STARD13: variants seen among roughly 807,000 people sequenced by gnomAD.
The protein encoded by STARD13 is StAR related lipid transfer domain containing 13.
In STARD13, 62 loss-of-function variants were observed where a neutral mutation model predicts 106.4. The observed-to-expected ratio is 0.58, with a 90% confidence interval of 0.48 to 0.72. The LOEUF is 0.72. STARD13 is among the 30% of genes least tolerant of loss of function. STARD13 has a pLI of 0.00. For missense variants in STARD13, 1,387 were observed against 1,424.0 expected, an observed-to-expected ratio of 0.97 and a Z score of 0.42; for synonymous variants, 565 against 553.0, an observed-to-expected ratio of 1.02 and a Z score of -0.31.
chr13:33,529,196 G>A, the STARD13 span, among the ~76,000 whole-genome samples: 34 of 152,252 alleles, frequency 2.2e-4, no homozygotes, highest in African/African-American at 7.0e-4. Context: ...ACGAAAGTTA[G>A]TGCCCTGTTG....
At chr13:33,631,106 T>C in the STARD13 span, among the ~76,000 whole-genome samples, 1 of 152,340 alleles carries the variant, frequency 6.6e-6, no homozygotes, top group Middle Eastern at 3.4e-3. Flanking sequence ...TGTCCAGCCC[T>C]GGAAAGTGTT....
the STARD13 span, among the ~76,000 whole-genome samples, chr13:33,425,793 G>A: frequency 1.3e-5 from 2 of 152,168 alleles, no homozygotes; most frequent in Admixed American, 6.5e-5. Flanking sequence ...GGAAGACTGC[G>A]AAGTTTGCTC....
intron 1 of STARD13, among the ~76,000 whole-genome samples, chr13:33,219,044 T>G (rs1888197298): frequency 6.6e-6 from 1 of 152,192 alleles, no homozygotes; most frequent in Non-Finnish European, 1.5e-5. Context: ...TTTAAAAATA[T>G]AACAATCGTG....
chr13:33,529,839 ATC>A, the STARD13 span, among the ~76,000 whole-genome samples: 1 of 152,174 alleles, frequency 6.6e-6, no homozygotes, highest in Non-Finnish European at 1.5e-5. Context: ...TGAGGATTTT[ATC>A]TGAGTCCATC....
chr13:33,432,512 C>T, the STARD13 span, among the ~76,000 whole-genome samples: 1 of 152,230 alleles, frequency 6.6e-6, no homozygotes, highest in Non-Finnish European at 1.5e-5. Context: ...TCATTTAAAT[C>T]TACCAATATT....
chr13:33,285,756 A>G (rs976769918), upstream of STARD13: 1 of 1,487,720 alleles, frequency 6.7e-7, no homozygotes, highest in African/African-American at 1.4e-5. Context: ...AGCGATTTTT[A>G]AAAAGAAAGA....
chr13:33,464,024 C>CATATATATATATATAT, the STARD13 span, among the ~76,000 whole-genome samples: 2,647 of 110,012 alleles, frequency 0.024, 50 homozygotes, highest in Non-Finnish European at 0.038. Flanking sequence ...AAAAAAAATA[C>CATATATATATATATAT]ATATATATAT....
At chr13:33,137,026 C>T (rs1879151702) in intron 4 of STARD13, among the ~76,000 whole-genome samples, 1 of 152,220 alleles carries the variant, frequency 6.6e-6, no homozygotes, top group Admixed American at 6.5e-5. Flanking sequence ...AAAAATCCTG[C>T]ATCATTATTT....
At chr13:33,272,403 T>C (rs1229790309) in intron 1 of STARD13, 11 of 152,220 alleles carry the variant, frequency 7.2e-5, no homozygotes, top group African/African-American at 2.7e-4. Context: ...CCTGCATAAG[T>C]ATATTGTTAC....
the STARD13 span, among the ~76,000 whole-genome samples, chr13:33,499,746 T>G: frequency 7.0e-6 from 1 of 141,966 alleles, no homozygotes; most frequent in Non-Finnish European, 1.5e-5. Context: ...CCTCTCCCTC[T>G]TCTTCTTCTT....
At chr13:33,619,715 T>A in the STARD13 span, among the ~76,000 whole-genome samples, 1 of 152,142 alleles carries the variant, frequency 6.6e-6, no homozygotes, top group Non-Finnish European at 1.5e-5. Flanking sequence ...AATGTAAAAC[T>A]AATCAATAAG....
chr13:33,665,514 A>G, the STARD13 span, among the ~76,000 whole-genome samples: 1,317 of 152,344 alleles, frequency 8.6e-3, 25 homozygotes, highest in African/African-American at 0.03. Flanking sequence ...CAGTTAAATG[A>G]CAGCAATATT....
intron 1 of STARD13, among the ~76,000 whole-genome samples, chr13:33,293,807 C>G (rs1892382043): frequency 6.6e-6 from 1 of 152,204 alleles, no homozygotes; most frequent in South Asian, 2.1e-4. Context: ...TGGATGTTTC[C>G]TGCCCTCAAA....
the STARD13 span, among the ~76,000 whole-genome samples, chr13:33,405,513 G>C: frequency 1.3e-5 from 2 of 152,344 alleles, no homozygotes; most frequent in South Asian, 4.1e-4. Flanking sequence ...TCTGAGAATC[G>C]TTGAAGTCTG....
the STARD13 span, among the ~76,000 whole-genome samples, chr13:33,501,623 A>T: frequency 6.6e-6 from 1 of 152,170 alleles, no homozygotes; most frequent in Non-Finnish European, 1.5e-5. Context: ...CTTTCCCAGC[A>T]TCATTTATTA....
At chr13:33,153,614 A>G (rs1238380424) in intron 3 of STARD13, among the ~76,000 whole-genome samples, 1 of 152,222 alleles carries the variant, frequency 6.6e-6, no homozygotes. Context: ...CTCTGCCTAC[A>G]GATGTATAGG....
At chr13:33,651,749 T>C in the STARD13 span, among the ~76,000 whole-genome samples, 1 of 152,182 alleles carries the variant, frequency 6.6e-6, no homozygotes, top group Non-Finnish European at 1.5e-5. Context: ...CTGTGCCTAA[T>C]AGAGTATGTT....
chr13:33,534,860 A>T, the STARD13 span, among the ~76,000 whole-genome samples: 2 of 152,238 alleles, frequency 1.3e-5, no homozygotes, highest in African/African-American at 2.4e-5. Context: ...GGGAAAGCAG[A>T]ACAAATTAAA....
the STARD13 span, among the ~76,000 whole-genome samples, chr13:33,471,421 T>C: frequency 6.6e-6 from 1 of 152,210 alleles, no homozygotes. Flanking sequence ...AATCCTCAGC[T>C]TCTAAACCCA....
Sources: gnomAD v4.1 joint callset for allele counts (sites outside exome capture counted in the v4.1 genomes callset) on GRCh38, gnomAD v4.1.1 for gene constraint, MANE v1.5 for transcripts, NCBI Gene and HGNC (gene_info 2026-07-23, HGNC 2026-07-21) for gene names.